Variants in ARHGEF9 observed in about 807,000 individuals in gnomAD.
ARHGEF9 encodes the protein rho guanine nucleotide exchange factor 9.
A neutral mutation model predicts 41.3 loss-of-function variants in ARHGEF9; 2 were observed. The ratio of observed to expected loss-of-function variants is 0.05; its 90% CI spans 0.02 to 0.15. The LOEUF (loss-of-function observed/expected upper bound fraction) is 0.15. Ranked by LOEUF, ARHGEF9 falls within the 10% of genes least tolerant of loss-of-function variation. The pLI, the probability that ARHGEF9 is intolerant of heterozygous loss-of-function variation, is 1.00. For missense variants in ARHGEF9, 225 were observed against 424.7 expected (o/e 0.53, Z 4.13); for synonymous variants, 160 against 154.4 (o/e 1.04, Z -0.27).
chrX:63,737,765 G>T (rs2054705835), intron 1 of ARHGEF9, among the ~76,000 whole-genome samples: 1 of 111,967 alleles, frequency 8.9e-6, no homozygotes, highest in African/African-American at 3.2e-5. Context: ...AAATCCTGGG[G>T]ATAAGCAGAG....
At chrX:63,725,769 AG>A (rs1556416588) in intron 1 of ARHGEF9, 1 of 112,251 alleles carries the variant, frequency 8.9e-6, no homozygotes, top group Non-Finnish European at 1.9e-5. Context: ...ATTCCAGAAT[AG>A]AGAACACATG....
chrX:63,771,444 T>G (rs2056202866), intron 1 of ARHGEF9, among the ~76,000 whole-genome samples: 1 of 112,306 alleles, frequency 8.9e-6, no homozygotes, highest in African/African-American at 3.2e-5. Context: ...CTCAGATAAT[T>G]GGTTGATTAT....
intron 3 of ARHGEF9, among the ~76,000 whole-genome samples, chrX:63,703,663 G>A (rs1556398154): frequency 8.9e-6 from 1 of 111,830 alleles, no homozygotes; most frequent in Non-Finnish European, 1.9e-5. Flanking sequence ...GCCCTTCATG[G>A]AAAGTACATT....
At chrX:63,645,442 T>C (rs1292143603) in intron 8 of ARHGEF9, among the ~76,000 whole-genome samples, 7 of 111,251 alleles carry the variant, frequency 6.3e-5, no homozygotes, top group East Asian at 2.8e-4. Flanking sequence ...TGTGTTCTCA[T>C]TGTTCAATTC....
chrX:63,779,529 A>T (rs1166427637), intron 1 of ARHGEF9, among the ~76,000 whole-genome samples: 6 of 111,633 alleles, frequency 5.4e-5, no homozygotes, highest in Non-Finnish European at 1.1e-4. Context: ...ACCTTCCCCC[A>T]GGTCCCTCCC....
At chrX:63,705,384 T>C (rs1311688081) in intron 3 of ARHGEF9, among the ~76,000 whole-genome samples, 1 of 108,986 alleles carries the variant, frequency 9.2e-6, no homozygotes, top group African/African-American at 3.3e-5. Flanking sequence ...TGTGTGTGTG[T>C]GTGTGTGTGT....
At position 63,635,795 on chromosome X, in the gene ARHGEF9, A is replaced by G; in HGVS notation, c.*2233T>C. 6.0e-6 allele frequency: 1 copy of G among 167,932 alleles called. No homozygotes were observed. The allele number at this position is 167,932 out of a possible 1,213,427, so 13.8% of individuals were successfully genotyped here. On this transcript the variant is annotated 3_prime_UTR_variant, in exon 10 of 10. Coordinates refer to ENST00000671741, the MANE Select transcript of ARHGEF9 (RefSeq NM_001353921.2). Reference sequence around the variant, plus strand: ...GTGTGCTGCCAACCCTCGAAGAAGCATGTCAAGGCCAAGCCTAGTAAGGAG... The same window carrying G: ...GTGTGCTGCCAACCCTCGAAGAAGCGTGTCAAGGCCAAGCCTAGTAAGGAG...
chrX:63,719,534 A>G (rs782385488), intron 2 of ARHGEF9: 10 of 286,816 alleles, frequency 3.5e-5, no homozygotes, highest in South Asian at 2.4e-4. Context: ...TAAACTGGCA[A>G]TGAATGACAG....
At chrX:63,774,104 C>A (rs1171119819) in intron 1 of ARHGEF9, among the ~76,000 whole-genome samples, 1 of 109,534 alleles carries the variant, frequency 9.1e-6, no homozygotes, top group Admixed American at 9.9e-5. Flanking sequence ...TACTTATCCA[C>A]TCACCCATCC....
intron 1 of ARHGEF9, among the ~76,000 whole-genome samples, chrX:63,749,718 G>A (rs1556438602): frequency 2.7e-5 from 3 of 112,467 alleles, no homozygotes; most frequent in Admixed American, 9.4e-5. Context: ...AGTTAGAAAG[G>A]ATGTGAAATT....
intron 1 of ARHGEF9, among the ~76,000 whole-genome samples, chrX:63,744,185 G>A (rs1392220697): frequency 8.9e-6 from 1 of 112,091 alleles, no homozygotes; most frequent in Non-Finnish European, 1.9e-5. Flanking sequence ...CCTCCACTGG[G>A]GCAGTCACCC....
At chrX:63,643,082 T>G (rs2047744565) in intron 9 of ARHGEF9, among the ~76,000 whole-genome samples, 1 of 112,236 alleles carries the variant, frequency 8.9e-6, no homozygotes, top group Non-Finnish European at 1.9e-5. Context: ...TGACACTGAA[T>G]AGGTATTCCA....
Position 63,678,492 on chromosome X carries a change from G to A in ARHGEF9, c.663C>T (p.Asp221=). The change falls in exon 5 of 10, where the codon GAC becomes GAT. Residue 221 remains aspartate (D), a synonymous_variant. Transcript: ENST00000671741. ...ACMELSKLMK[D]SRYQHFFEAC... ...CCTCAAAGAAGTGCTGGTAGCGGCTGTCCTTCATCAGTTTGGAGAGCTCCA... is the reference window on the plus strand; with the variant it reads ...CCTCAAAGAAGTGCTGGTAGCGGCTATCCTTCATCAGTTTGGAGAGCTCCA... 1.7e-6 allele frequency: 2 copies of A among 1,205,503 alleles called. No individual in the cohort carries two copies. Among genetic ancestry groups the A allele is most frequent in the African/African-American group, 1.7e-5 (1 of 57,676 alleles).
At position 63,667,472 on chromosome X, in the gene ARHGEF9, C is replaced by T. The variant is rs1156818670; in HGVS notation, c.946-1455G>A. ...GATGATCTTCATGATAGGGCTGATA[C>T]CTTGATGCTAAGATCTCAGCCTTTC... On this transcript the variant is annotated intron_variant, in intron 6 of 9. Transcript: ENST00000671741. Among the ~76,000 whole-genome samples, 26 of 111,335 alleles carry T rather than the reference C, an allele frequency of 2.3e-4. No homozygotes were observed. The Admixed American group carries it at 2.5e-3, about 11-fold the overall frequency.
intron 8 of ARHGEF9, among the ~76,000 whole-genome samples, chrX:63,649,308 T>C (rs1556322776): frequency 9.0e-6 from 1 of 110,623 alleles, no homozygotes; most frequent in East Asian, 2.8e-4. Context: ...CTCAACTACA[T>C]GGAAACTGAA....
chrX:63,663,251 T>C (rs1328787332), intron 7 of ARHGEF9, among the ~76,000 whole-genome samples: 4 of 111,892 alleles, frequency 3.6e-5, no homozygotes, highest in Non-Finnish European at 7.5e-5. Context: ...CTATCACTTC[T>C]TTTTTCTTCA....
At chrX:63,747,971 G>A (rs2055376039) in intron 1 of ARHGEF9, among the ~76,000 whole-genome samples, 1 of 112,340 alleles carries the variant, frequency 8.9e-6, no homozygotes, top group Admixed American at 9.4e-5. Flanking sequence ...CCTGCAACCA[G>A]ATTTACCATG....
intron 5 of ARHGEF9, among the ~76,000 whole-genome samples, chrX:63,677,853 A>C (rs112437571): frequency 0.024 from 2,744 of 112,032 alleles, 79 homozygotes; most frequent in African/African-American, 0.085. Flanking sequence ...GCTATGCTTA[A>C]AAACTTTTTT....
At chrX:63,734,094 C>A (rs1426817178) in intron 1 of ARHGEF9, among the ~76,000 whole-genome samples, 10 of 112,248 alleles carry the variant, frequency 8.9e-5, no homozygotes, top group African/African-American at 2.9e-4. Flanking sequence ...GAAACCCAAG[C>A]CAGTAGCTCA....
Sources: allele counts gnomAD v4.1 joint callset (sites outside exome capture counted in the v4.1 genomes callset), GRCh38; gene constraint gnomAD v4.1.1; transcripts MANE v1.5; gene names NCBI Gene and HGNC (gene_info 2026-07-23, HGNC 2026-07-21).